The following TRIM16 variants were observed in gnomAD, a reference collection of about 807,000 sequenced individuals.
TRIM16 encodes the protein tripartite motif containing 16.
In TRIM16, 33 loss-of-function variants were observed where a neutral mutation model predicts 50.4. The ratio of observed to expected loss-of-function variants is 0.65; its 90% CI spans 0.50 to 0.88. TRIM16 has a LOEUF of 0.88. Among genes scored for constraint, TRIM16 ranks in the 40% least tolerant of loss-of-function variants. TRIM16 has a pLI of 0.00. For synonymous variants in TRIM16, 229 were observed against 270.7 expected, an observed-to-expected ratio of 0.85 and a Z score of 1.51; for missense variants, 581 against 686.8, an observed-to-expected ratio of 0.85 and a Z score of 1.72.
At chr17:15,680,252 C>T (rs1567693808) in intron 4 of TRIM16, among the ~76,000 whole-genome samples, 1 of 151,414 alleles carries the variant, frequency 6.6e-6, no homozygotes, top group Non-Finnish European at 1.5e-5. Flanking sequence ...CTTCCTAAAT[C>T]TCTCTCAGCC....
At chr17:15,645,818 G>A (rs2070329476) in intron 7 of TRIM16, among the ~76,000 whole-genome samples, 1 of 152,186 alleles carries the variant, frequency 6.6e-6, no homozygotes, top group African/African-American at 2.4e-5. Context: ...AGCTGAGGGG[G>A]CCCCAGTGAC....
At chr17:15,649,895 G>C (rs933728909) in intron 7 of TRIM16, among the ~76,000 whole-genome samples, 1 of 152,164 alleles carries the variant, frequency 6.6e-6, no homozygotes, top group Non-Finnish European at 1.5e-5. Context: ...CTCAGTGAAG[G>C]CTATTTTCCT....
chr17:15,682,607 T>C (rs1989226256), intron 3 of TRIM16, among the ~76,000 whole-genome samples: 1 of 152,248 alleles, frequency 6.6e-6, no homozygotes. Context: ...GCCCCAGCTC[T>C]AGCCCTGAGC....
In TRIM16 at chr17:15,677,256, C is replaced by G. The variant is rs796965104; in HGVS notation, c.-418G>C. Reference sequence around the variant, plus strand: ...CACTTCTTCCAACTAGGAGATGATACCAGGTTTGGAAAATGGAAATCCTAC... The same window carrying G: ...CACTTCTTCCAACTAGGAGATGATAGCAGGTTTGGAAAATGGAAATCCTAC... On this transcript the variant is annotated 5_prime_UTR_variant, in exon 6 of 12. Coordinates refer to ENST00000649191, the MANE Select transcript of TRIM16 (RefSeq NM_001348119.1). The G allele has an allele frequency of 5.8e-5, 57 of 985,336 alleles. 1 individual carries two copies. In the African/African-American group the frequency reaches 8.4e-4, roughly 14 times the overall value. The allele number at this position is 985,336 out of a possible 1,614,324, so 61.0% of individuals were successfully genotyped here.
At chr17:15,654,974 A>C (rs1324511309) in intron 6 of TRIM16, among the ~76,000 whole-genome samples, 2 of 151,042 alleles carry the variant, frequency 1.3e-5, no homozygotes, top group Non-Finnish European at 2.9e-5. Flanking sequence ...TGAAGTCCTT[A>C]TATTTTGAGT....
At chr17:15,669,291 C>T (rs1394406504) in intron 6 of TRIM16, among the ~76,000 whole-genome samples, 3 of 151,536 alleles carry the variant, frequency 2.0e-5, no homozygotes, top group East Asian at 3.9e-4. Flanking sequence ...TGGAAAGAAC[C>T]CAAATGCCCA....
At chr17:15,674,443 G>T (rs932530172) in intron 6 of TRIM16, among the ~76,000 whole-genome samples, 3 of 151,998 alleles carry the variant, frequency 2.0e-5, no homozygotes, top group African/African-American at 7.3e-5. Flanking sequence ...AAAGGTAGAT[G>T]TAACAGAGTT....
chr17:15,679,245 C>T (rs1363702541), intron 4 of TRIM16, among the ~76,000 whole-genome samples: 1 of 152,194 alleles, frequency 6.6e-6, no homozygotes, highest in African/African-American at 2.4e-5. Flanking sequence ...GGCAAATGCT[C>T]ACTGGGCCTG....
rs1445646636 is a variant in TRIM16 at position 15,679,367 on chromosome 17, A to C, written c.-590+1498T>G. On this transcript the variant is annotated intron_variant, in intron 4 of 11. Transcript: ENST00000649191. The stretch of plus-strand genomic sequence containing the variant: ...TTCAGGAAACAATGTGTCAATTTTC[A>C]AGCCAAAACAAAAGAGAATAGAGTG... 2.0e-5 allele frequency among the ~76,000 whole-genome samples: 3 copies of C among 152,298 alleles called. No individual in the cohort carries two copies. In the East Asian group the frequency reaches 5.8e-4, roughly 29 times the overall value.
chr17:15,642,263 C>T (rs1987148762), intron 8 of TRIM16, among the ~76,000 whole-genome samples: 1 of 149,062 alleles, frequency 6.7e-6, no homozygotes, highest in Non-Finnish European at 1.5e-5. Flanking sequence ...CACACCATGG[C>T]CTTCTCAAAT....
chr17:15,629,573 A>G (rs1223726228), intron 11 of TRIM16, among the ~76,000 whole-genome samples: 4 of 152,288 alleles, frequency 2.6e-5, no homozygotes, highest in African/African-American at 9.6e-5. Flanking sequence ...GTACTCCTAT[A>G]CCCATATTTG....
chr17:15,652,099 T>G (rs1332709810), intron 6 of TRIM16, 153 bp from the exon 7 acceptor site: 1 of 365,432 alleles, frequency 2.7e-6, no homozygotes, highest in Non-Finnish European at 3.9e-6. Context: ...TCCCATCTCA[T>G]AGAACTGGAC....
At chr17:15,664,494 G>C (rs1236628303) in intron 6 of TRIM16, among the ~76,000 whole-genome samples, 1 of 151,590 alleles carries the variant, frequency 6.6e-6, no homozygotes, top group Non-Finnish European at 1.5e-5. Context: ...TTGAGGTCAG[G>C]AGTTTGAGTG....
intron 9 of TRIM16, 147 bp from the exon 10 acceptor site, chr17:15,632,821 T>A (rs1302781023): frequency 1.7e-6 from 2 of 1,156,136 alleles, no homozygotes; most frequent in African/African-American, 3.1e-5. Flanking sequence ...AGTGTCAAGC[T>A]CAGGGTCTAA....
intron 6 of TRIM16, among the ~76,000 whole-genome samples, chr17:15,667,964 C>T (rs1040362609): frequency 6.6e-6 from 1 of 152,126 alleles, no homozygotes; most frequent in Non-Finnish European, 1.5e-5. Context: ...CCACAGTAGC[C>T]ACTATCTTAT....
chr17:15,632,795 A>G lies in TRIM16; in HGVS notation c.850-121T>C, dbSNP rs998399441. 163 of 1,279,066 alleles carry G rather than the reference A, an allele frequency of 1.3e-4. No homozygotes were observed. The Admixed American group carries it at 1.3e-3, about 10-fold the overall frequency. The allele number at this position is 1,279,066 out of a possible 1,614,324, so 79.2% of individuals were successfully genotyped here. On this transcript the variant is annotated intron_variant, in intron 9 of 11. Transcript: ENST00000649191. The stretch of plus-strand genomic sequence containing the variant: ...GGCTGACGGTAATGTGTCCTTCACA[A>G]AGAAAGTACATGTGAAGTGTCAAGC...
chr17:15,632,917 A>C, intron 9 of TRIM16: 1 of 431,964 alleles, frequency 2.3e-6, no homozygotes, highest in Non-Finnish European at 4.0e-6. Context: ...GGATTTTAAA[A>C]ATCAAGATGT....
Position 15,632,584 on chromosome 17 carries a change from T to C in TRIM16, c.940A>G (p.Ile314Val). Residue 314 changes from isoleucine (I) to valine (V), a missense_variant, in exon 10 of 12, where the codon ATC (isoleucine) becomes GTC (valine). By Grantham distance (29) the Ile-to-Val change is conservative. This residue lies in a region of TRIM16 where 450 missense variants were observed against 544.3 expected (regional missense o/e 0.83). Coordinates refer to ENST00000649191, the MANE Select transcript of TRIM16 (RefSeq NM_001348119.1). Reference protein sequence around the residue: ...KDKLSGIRKVITESTVHLIQL... With the variant: ...KDKLSGIRKVVTESTVHLIQL... ...ATTAAGTGTACAGTGGATTCCGTGA[T>C]AACTTTGCGGATGCCCGAGAGTTTA... The C allele has an allele frequency of 2.5e-6, 4 of 1,614,020 alleles. No individual in the cohort carries two copies. The highest frequency in any genetic ancestry group is 3.4e-6 in the Non-Finnish European group (4 of 1,179,878).
chr17:15,677,717 G>C lies in TRIM16; in HGVS notation c.-585C>G, dbSNP rs1989007789. On this transcript the variant is annotated 5_prime_UTR_variant, in exon 5 of 12. Transcript: ENST00000649191. ...CATAAAGCCCTGAAACACCTGCATG[G>C]GGTTCTGAAGAAAAAGTTACATGAG... The C allele has an allele frequency of 1.0e-6, 1 of 992,548 alleles. No homozygotes were observed. The highest frequency in any genetic ancestry group is 1.2e-6 in the Non-Finnish European group (1 of 833,146). The allele number at this position is 992,548 out of a possible 1,614,324, so 61.5% of individuals were successfully genotyped here. A position where few individuals can be genotyped will look rare whatever the true frequency, so the allele number is the denominator to read the frequency against.
Sources: gnomAD v4.1 joint callset for allele counts (sites outside exome capture counted in the v4.1 genomes callset) on GRCh38, gnomAD v4.1.1 for gene constraint, gnomAD v4.1.1 regional missense constraint, MANE v1.5 for transcripts, NCBI Gene and HGNC (gene_info 2026-07-23, HGNC 2026-07-21) for gene names.